The following ZNF138 variants were observed in gnomAD, a reference collection of about 807,000 sequenced individuals.
ZNF138 encodes the protein zinc finger protein 138, also known as zinc finger protein 138 (clone pHZ-32).
Under a neutral mutation model 33.0 loss-of-function variants are expected in ZNF138, and 33 were observed. The ratio of observed to expected loss-of-function variants is 1.00; its 90% CI spans 0.76 to 1.34. The LOEUF (loss-of-function observed/expected upper bound fraction) is 1.34, where lower values mean the gene tolerates loss of function less well. Ranked by LOEUF, ZNF138 falls within the 40% of genes most tolerant of loss-of-function variation. The pLI is 0.00. For synonymous variants in ZNF138, 139 were observed against 120.4 expected (o/e 1.15, Z -1.01); for missense variants, 360 against 370.8 (o/e 0.97, Z 0.24).
At chr7:64,815,092 A>ATTT (rs202087633) in intron 2 of ZNF138, 48 bp downstream of exon 2, 241 of 1,221,454 alleles carry the variant, frequency 2.0e-4, no homozygotes, top group Admixed American at 5.9e-4. Context: ...TAAAGGTTTC[A>ATTT]TTTTTTTTTT....
rs527295656 is a variant in ZNF138 at position 64,815,033 on chromosome 7, T to A, written c.119T>A (p.Leu40Gln). 1 of 1,605,252 alleles carries A rather than the reference T, an allele frequency of 6.2e-7. No homozygotes were observed. The highest frequency in any genetic ancestry group is 2.2e-5 in the East Asian group (1 of 44,522). Residue 40 changes from leucine to glutamine, a missense_variant, in exon 2 of 4, where the codon CTG (leucine) becomes CAG (glutamine). Coordinates refer to ENST00000307355, the MANE Select transcript of ZNF138 (RefSeq NM_001271639.2). ...GTGATGTTAGAGAACTACAGAAACC[T>A]GGTTTTCTTGGGTGAGAATAACTTC... ...RHVMLENYRN[L>Q]VFLDLITCLE...
In ZNF138 at chr7:64,832,500, A is replaced by G; in HGVS notation, c.*298A>G. On this transcript the variant is annotated 3_prime_UTR_variant, in exon 4 of 4. Coordinates refer to ENST00000307355, the MANE Select transcript of ZNF138 (RefSeq NM_001271639.2). ...AATTCATACTGGGGAGAAACCCCAC[A>G]AATGTGGAGAATGCGGAAAAGCCTT... 5 of 1,025,220 alleles carry G rather than the reference A, an allele frequency of 4.9e-6. No homozygotes were observed. The highest frequency in any genetic ancestry group is 6.8e-6 in the Non-Finnish European group (5 of 739,532). 63.5% of individuals were successfully genotyped at this position (1,025,220 alleles called of 1,614,324 possible).
At chr7:64,836,822 G>T (rs948518403), downstream of ZNF138, 1 of 152,138 alleles carries the variant, frequency 6.6e-6, no homozygotes, top group African/African-American at 2.4e-5. Context: ...AAAGCTATGG[G>T]TGCCTGGCAC....
At chr7:64,804,997 C>T (rs1253863814) in intron 1 of ZNF138, among the ~76,000 whole-genome samples, 2 of 152,110 alleles carry the variant, frequency 1.3e-5, no homozygotes, top group African/African-American at 2.4e-5. Flanking sequence ...ATTTCTATCC[C>T]ATGGTGTCTG....
chr7:64,852,882 T>C, the ZNF138 span: 1 of 932,054 alleles, frequency 1.1e-6, no homozygotes, highest in Non-Finnish European at 1.8e-6. Context: ...TGGCCGCCCA[T>C]TACAGACGTT....
intron 1 of ZNF138, among the ~76,000 whole-genome samples, chr7:64,796,131 A>T (rs1374467739): frequency 1.3e-5 from 2 of 152,254 alleles, no homozygotes; most frequent in Non-Finnish European, 1.5e-5. Context: ...GGGAGAACAC[A>T]GAAATAATTT....
At chr7:64,829,395 ACACACACACAC>A (rs1789901147) in intron 3 of ZNF138, among the ~76,000 whole-genome samples, 2 of 150,864 alleles carry the variant, frequency 1.3e-5, no homozygotes, top group East Asian at 2.0e-4. Flanking sequence ...ACAAACTCAA[ACACACACACAC>A]CACACACACA....
In ZNF138 at chr7:64,832,265, C is replaced by G. The variant is rs1790153907; in HGVS notation, c.*63C>G. 1 of 1,600,230 alleles carries G rather than the reference C, an allele frequency of 6.2e-7. No individual in the cohort carries two copies. The highest frequency in any genetic ancestry group is 8.5e-7 in the Non-Finnish European group (1 of 1,175,614). ...AAGCCTACAAATGTGAAGAATGTGG[C>G]AAAGCCTTTAACCAGTTTTCAACCC... On this transcript the variant is annotated 3_prime_UTR_variant, in exon 4 of 4. Coordinates refer to ENST00000307355, the MANE Select transcript of ZNF138 (RefSeq NM_001271639.2).
intron 1 of ZNF138, 142 bp downstream of exon 1, chr7:64,794,713 C>T (rs532131182): frequency 7.8e-7 from 1 of 1,280,178 alleles, no homozygotes; most frequent in African/African-American, 1.5e-5. Flanking sequence ...GCTCGGCCCT[C>T]AGTCCCCTTA....
downstream of ZNF138, among the ~76,000 whole-genome samples, chr7:64,837,865 A>T (rs1790407688): frequency 1.3e-5 from 2 of 152,154 alleles, no homozygotes; most frequent in South Asian, 4.1e-4. Context: ...CTAAAGTAAG[A>T]AGATAAGTTG....
chr7:64,817,695 G>A (rs1214003923), intron 3 of ZNF138, among the ~76,000 whole-genome samples: 4 of 151,816 alleles, frequency 2.6e-5, no homozygotes, highest in Non-Finnish European at 5.9e-5. Context: ...TTTGCTGTTG[G>A]GGCATAAAAA....
Position 64,833,073 on chromosome 7 carries a change from G to A in ZNF138, c.*871G>A. ...TACTATACATAAGATAATTTATACT[G>A]GAGCAAAACCTTGGAAATTCAAAGA... is the stretch of plus-strand genomic sequence containing the variant. On this transcript the variant is annotated 3_prime_UTR_variant, in exon 4 of 4. Transcript: ENST00000307355. 1 of 297,022 alleles carries A rather than the reference G, an allele frequency of 3.4e-6. No individual in the cohort carries two copies. The highest frequency in any genetic ancestry group is 6.9e-6 in the Non-Finnish European group (1 of 144,750). The allele number at this position is 297,022 out of a possible 1,614,324, so 18.4% of individuals were successfully genotyped here.
At chr7:64,821,354 G>A (rs570030788) in intron 3 of ZNF138, among the ~76,000 whole-genome samples, 1 of 151,452 alleles carries the variant, frequency 6.6e-6, no homozygotes, top group South Asian at 2.1e-4. Flanking sequence ...CTCCCAAAGT[G>A]CTGGGATTAT....
intron 1 of ZNF138, among the ~76,000 whole-genome samples, chr7:64,800,596 A>T (rs907818870): frequency 6.6e-6 from 1 of 152,186 alleles, no homozygotes; most frequent in Non-Finnish European, 1.5e-5. Flanking sequence ...CCAGTATTTT[A>T]TTGAAGATTT....
At chr7:64,804,964 TA>T (rs951049243) in intron 1 of ZNF138, among the ~76,000 whole-genome samples, 5 of 152,182 alleles carry the variant, frequency 3.3e-5, no homozygotes, top group Non-Finnish European at 7.4e-5. Flanking sequence ...TTTGGGTGTT[TA>T]AAAAAAATTC....
At chr7:64,800,075 G>A (rs1266968289) in intron 1 of ZNF138, among the ~76,000 whole-genome samples, 1 of 152,228 alleles carries the variant, frequency 6.6e-6, no homozygotes, top group East Asian at 1.9e-4. Context: ...GAACGTTTCT[G>A]TGGAGACAGA....
In ZNF138 at chr7:64,813,434, TG is replaced by T. The variant is rs140871074; in HGVS notation, c.4-1483del. On this transcript the variant is annotated intron_variant, in intron 1 of 3. Coordinates refer to ENST00000307355, the MANE Select transcript of ZNF138 (RefSeq NM_001271639.2). ...CTGTATCTTAAAGTTTGCATAAAAATGATTTTTTTTTTTTTTTTTAATGGAG... is the reference window on the plus strand; with the variant it reads ...CTGTATCTTAAAGTTTGCATAAAAATATTTTTTTTTTTTTTTTTAATGGAG... Among the ~76,000 whole-genome samples, 651 of 93,104 alleles carry T rather than the reference TG, an allele frequency of 7.0e-3. 8 individuals carry two copies. The highest frequency in any genetic ancestry group is 0.029 in the African/African-American group (551 of 18,790). The allele number at this position is 93,104 out of a possible 152,430, so 61.1% of individuals were successfully genotyped here.
At chr7:64,858,565 A>G in the ZNF138 span, among the ~76,000 whole-genome samples, 19 of 152,354 alleles carry the variant, frequency 1.2e-4, no homozygotes, top group Admixed American at 1.0e-3. Flanking sequence ...TCAGTTCCCC[A>G]GTGAATCAAA....
At chr7:64,840,762 C>T in the ZNF138 span, among the ~76,000 whole-genome samples, 4 of 152,014 alleles carry the variant, frequency 2.6e-5, no homozygotes, top group South Asian at 2.1e-4. Context: ...AACATTTGGT[C>T]TCTCTCTGCC....
Sources: gnomAD v4.1 joint callset for allele counts (sites outside exome capture counted in the v4.1 genomes callset) on GRCh38, gnomAD v4.1.1 for gene constraint, MANE v1.5 for transcripts, NCBI Gene and HGNC (gene_info 2026-07-23, HGNC 2026-07-21) for gene names.